SLC5A1: variants seen among roughly 807,000 people sequenced by gnomAD.
The protein encoded by SLC5A1 is sodium/glucose cotransporter 1.
A neutral mutation model predicts 73.5 loss-of-function variants in SLC5A1; 42 were observed. The ratio of observed to expected loss-of-function variants is 0.57; its 90% CI spans 0.45 to 0.74. The LOEUF is 0.74. Ranked by LOEUF, SLC5A1 falls within the 30% of genes least tolerant of loss-of-function variation. SLC5A1 has a pLI of 0.00. For synonymous variants in SLC5A1, 300 were observed against 317.4 expected, an observed-to-expected ratio of 0.95 and a Z score of 0.58; for missense variants, 634 against 855.4, an observed-to-expected ratio of 0.74 and a Z score of 3.23.
At chr22:32,078,454 G>A (rs2093994330) in intron 5 of SLC5A1, among the ~76,000 whole-genome samples, 1 of 151,864 alleles carries the variant, frequency 6.6e-6, no homozygotes, top group Non-Finnish European at 1.5e-5. Context: ...TTTTAGTAGA[G>A]ACAGGGTTTT....
At chr22:32,082,321 C>A (rs2149491766) in intron 6 of SLC5A1, among the ~76,000 whole-genome samples, 1 of 152,208 alleles carries the variant, frequency 6.6e-6, no homozygotes, top group South Asian at 2.1e-4. Context: ...GGTGGGCACG[C>A]AGATGCTCTT....
intron 11 of SLC5A1, among the ~76,000 whole-genome samples, chr22:32,095,959 G>A (rs1458407065): frequency 6.6e-6 from 1 of 152,166 alleles, no homozygotes; most frequent in Non-Finnish European, 1.5e-5. Flanking sequence ...TCTGTGTTTG[G>A]GGGCGGATGA....
chr22:32,064,970 G>T (rs1161938475), intron 2 of SLC5A1, among the ~76,000 whole-genome samples: 5 of 152,034 alleles, frequency 3.3e-5, no homozygotes. Flanking sequence ...TTGAGTCAGG[G>T]TCTCACTCTG....
chr22:32,052,288 A>G (rs2093946087), intron 2 of SLC5A1, among the ~76,000 whole-genome samples: 1 of 152,164 alleles, frequency 6.6e-6, no homozygotes, highest in Non-Finnish European at 1.5e-5. Context: ...CCTGATGAAA[A>G]TTTTCCCTGA....
At chr22:32,060,455 A>G (rs528018783) in intron 2 of SLC5A1, among the ~76,000 whole-genome samples, 8 of 152,256 alleles carry the variant, frequency 5.3e-5, no homozygotes, top group African/African-American at 1.9e-4. Flanking sequence ...TCATCCTCCC[A>G]AAGTGCTGGG....
At chr22:32,092,282 C>G (rs1385488032) in intron 11 of SLC5A1, among the ~76,000 whole-genome samples, 1 of 152,164 alleles carries the variant, frequency 6.6e-6, no homozygotes, top group Non-Finnish European at 1.5e-5. Context: ...TAATTCGTTC[C>G]TTTTTATGGC....
intron 5 of SLC5A1, among the ~76,000 whole-genome samples, chr22:32,070,904 AT>A (rs1385709922): frequency 1.3e-5 from 2 of 152,208 alleles, no homozygotes; most frequent in African/African-American, 2.4e-5. Context: ...AGAAAAGAAA[AT>A]GTAAATGATA....
At chr22:32,046,500 C>G (rs948345344) in intron 1 of SLC5A1, among the ~76,000 whole-genome samples, 12 of 152,114 alleles carry the variant, frequency 7.9e-5, no homozygotes, top group African/African-American at 2.7e-4. Context: ...AATCTCTGGA[C>G]AGCTCTGACA....
chr22:32,110,131 A>C lies in SLC5A1; in HGVS notation c.1913A>C (p.Lys638Thr). 1 of 1,614,178 alleles carries C rather than the reference A, an allele frequency of 6.2e-7. No individual in the cohort carries two copies. Among genetic ancestry groups the C allele is most frequent in the Non-Finnish European group, 8.5e-7 (1 of 1,180,010 alleles). Residue 638 changes from lysine (K) to threonine (T), a missense_variant, in exon 15 of 15, where the codon AAG (lysine) becomes ACG (threonine). Transcript: ENST00000266088. ...MKMKMTDTSE[K>T]PLWRTVLNVN... ...ATGAAGATGACGGACACCTCTGAGA[A>C]GCCTTTGTGGAGGACAGTGTTGAAC...
chr22:32,064,583 G>C (rs2093969359), intron 2 of SLC5A1, among the ~76,000 whole-genome samples: 1 of 151,880 alleles, frequency 6.6e-6, no homozygotes, highest in Non-Finnish European at 1.5e-5. Context: ...CCTTCCCCTA[G>C]TTTCCCCTTC....
chr22:32,051,334 G>T (rs1406425725), intron 2 of SLC5A1, among the ~76,000 whole-genome samples: 1 of 152,094 alleles, frequency 6.6e-6, no homozygotes, highest in African/African-American at 2.4e-5. Context: ...GTCAGATAAG[G>T]AATCTCAAAG....
intron 1 of SLC5A1, among the ~76,000 whole-genome samples, chr22:32,049,117 TTATATATATATAATCATTA>T (rs2093941243): frequency 3.5e-5 from 5 of 142,674 alleles, no homozygotes; most frequent in African/African-American, 1.0e-4. Context: ...TATATAATCA[TTATATATATATAATCATTA>T]TATATATATA....
At chr22:32,045,278 G>A (rs1474114451) in intron 1 of SLC5A1, among the ~76,000 whole-genome samples, 2 of 152,206 alleles carry the variant, frequency 1.3e-5, no homozygotes, top group Non-Finnish European at 2.9e-5. Flanking sequence ...TGCCAGTCTA[G>A]TAGGTGTTTA....
At chr22:32,092,578 G>T (rs997805986) in intron 11 of SLC5A1, among the ~76,000 whole-genome samples, 1 of 152,148 alleles carries the variant, frequency 6.6e-6, no homozygotes, top group African/African-American at 2.4e-5. Flanking sequence ...CAGTGTAAAA[G>T]TGTTCTTTTC....
chr22:32,064,682 A>G (rs1283595491), intron 2 of SLC5A1, among the ~76,000 whole-genome samples: 1 of 152,010 alleles, frequency 6.6e-6, no homozygotes, highest in Non-Finnish European at 1.5e-5. Flanking sequence ...CATCTAACCT[A>G]TCAACAGAGC....
At chr22:32,066,227 G>A (rs1211955868) in intron 2 of SLC5A1, among the ~76,000 whole-genome samples, 1 of 152,036 alleles carries the variant, frequency 6.6e-6, no homozygotes, top group Non-Finnish European at 1.5e-5. Context: ...TCTATAATCT[G>A]TATTTAGACA....
chr22:32,106,220 C>T (rs2094045436), intron 14 of SLC5A1, among the ~76,000 whole-genome samples: 1 of 152,186 alleles, frequency 6.6e-6, no homozygotes, highest in African/African-American at 2.4e-5. Context: ...ACATCCTCAC[C>T]AGCATTTGTT....
At chr22:32,066,896 A>G in intron 2 of SLC5A1, 39 bp from the exon 3 acceptor site, 1 of 1,396,834 alleles carries the variant, frequency 7.2e-7, no homozygotes, top group South Asian at 1.2e-5. Context: ...GTCCTGGGAG[A>G]GCACAGAGCC....
At chr22:32,050,081 C>T (rs1469206784) in intron 2 of SLC5A1, 67 bp downstream of exon 2, 2 of 1,381,186 alleles carry the variant, frequency 1.4e-6, no homozygotes, top group Non-Finnish European at 2.1e-6. Flanking sequence ...AACTCATTTT[C>T]TTCTTGGCTT....
Sources: gnomAD v4.1 joint callset for allele counts (sites outside exome capture counted in the v4.1 genomes callset) on GRCh38, gnomAD v4.1.1 for gene constraint, MANE v1.5 for transcripts, NCBI Gene and HGNC (gene_info 2026-07-23, HGNC 2026-07-21) for gene names.